MYMK: variants seen among roughly 807,000 people sequenced by gnomAD.
The protein encoded by MYMK is myomaker, myoblast fusion factor, also known as protein myomaker.
In MYMK, 16 loss-of-function variants were observed where a neutral mutation model predicts 22.4. The observed-to-expected ratio is 0.72, with a 90% CI of 0.48 to 1.09. The LOEUF (loss-of-function observed/expected upper bound fraction) is 1.09, where lower values mean the gene tolerates loss of function less well. MYMK is among the 50% of genes least tolerant of loss of function. The pLI, the probability that MYMK is intolerant of heterozygous loss-of-function variation, is 0.00. For synonymous variants in MYMK, 125 were observed against 127.0 expected (o/e 0.98, Z 0.11); for missense variants, 250 against 295.6 (o/e 0.85, Z 1.13).
In MYMK at chr9:133,515,545, T is replaced by C. The variant is rs1844621659; in HGVS notation, c.462A>G (p.Ile154Met). 1 of 1,613,964 alleles carries C rather than the reference T, an allele frequency of 6.2e-7. No individual in the cohort carries two copies. Among genetic ancestry groups the C allele is most frequent in the Non-Finnish European group, 8.5e-7 (1 of 1,179,942 alleles). The change falls in exon 4 of 5, where the codon ATA becomes ATG. Residue 154 changes from isoleucine (I) to methionine (M), a missense_variant. Physicochemically the swap from Ile to Met is conservative, Grantham distance 10. Transcript: ENST00000339996. The surrounding 1 kb of genome is among the most constrained non-coding windows in gnomAD (Gnocchi z 5.8). ...YPDKSVYTQQ[I>M]GPGLCFGALA... ...GCGCCCCGAAGCAGAGGCCGGGGCCTATCTGCTGGGTGTAGACGCTCTTGT... is the reference window on the plus strand; with the variant it reads ...GCGCCCCGAAGCAGAGGCCGGGGCCCATCTGCTGGGTGTAGACGCTCTTGT...
In MYMK at chr9:133,524,885, G is replaced by C; in HGVS notation, c.-41C>G. On this transcript the variant is annotated 5_prime_UTR_variant, in exon 1 of 5. Coordinates refer to ENST00000339996, the MANE Select transcript of MYMK (RefSeq NM_001080483.3). ...CACTGGCTGGGGTGGGGAGGGTGCT[G>C]GTGTCCCAGGTCCCCAGCACAGGAG... 1 of 1,568,340 alleles carries C rather than the reference G, an allele frequency of 6.4e-7. No individual in the cohort carries two copies. Among genetic ancestry groups the C allele is most frequent in the Non-Finnish European group, 8.6e-7 (1 of 1,157,788 alleles).
At chr9:133,522,634 G>A (rs763957620) in intron 1 of MYMK, among the ~76,000 whole-genome samples, 1 of 152,210 alleles carries the variant, frequency 6.6e-6, no homozygotes, top group Non-Finnish European at 1.5e-5. Context: ...AGGCAGGGAG[G>A]TGTGGCCTGG....
chr9:133,523,710 A>AGG (rs1844731349), intron 1 of MYMK, among the ~76,000 whole-genome samples: 1 of 95,156 alleles, frequency 1.1e-5, no homozygotes, highest in Non-Finnish European at 2.5e-5. Flanking sequence ...AGAGAGAGAG[A>AGG]GAGAGAGAGA....
chr9:133,516,070 T>C (rs1844627114), intron 3 of MYMK, among the ~76,000 whole-genome samples: 1 of 152,214 alleles, frequency 6.6e-6, no homozygotes, highest in Admixed American at 6.5e-5. Context: ...TTTGCTTTCC[T>C]AGTTAAAGGA....
At chr9:133,517,188 C>T (rs1276007730) in intron 3 of MYMK, among the ~76,000 whole-genome samples, 3 of 152,166 alleles carry the variant, frequency 2.0e-5, no homozygotes, top group Admixed American at 6.5e-5. Flanking sequence ...AGGCGAGAGG[C>T]GGGTGGCCAG....
At chr9:133,518,841 G>A (rs758898460) in intron 3 of MYMK, 33 bp downstream of exon 3, 7 of 1,591,212 alleles carry the variant, frequency 4.4e-6, no homozygotes, top group Non-Finnish European at 5.1e-6. Context: ...GGCCTCCTGG[G>A]TCCCCGTTCA....
In MYMK at chr9:133,515,277, C is replaced by T. The variant is rs1341129117; in HGVS notation, c.516+214G>A. Among the ~76,000 whole-genome samples the T allele has an allele frequency of 6.6e-6, 1 of 152,090 alleles. No individual in the cohort carries two copies. Among genetic ancestry groups the T allele is most frequent in the African/African-American group, 2.4e-5 (1 of 41,432 alleles). On this transcript the variant is annotated intron_variant, in intron 4 of 4. Coordinates refer to ENST00000339996, the MANE Select transcript of MYMK (RefSeq NM_001080483.3). The surrounding 1 kb of genome is among the most constrained non-coding windows in gnomAD (Gnocchi z 5.8). The stretch of plus-strand genomic sequence containing the variant: ...CAGCCAGCTTTGGTCTCTGTGACCT[C>T]CAGGTCCACACAGGCCATGGTGCTG...
At chr9:133,524,501 C>T (rs1457810119) in intron 1 of MYMK, among the ~76,000 whole-genome samples, 1 of 152,206 alleles carries the variant, frequency 6.6e-6, no homozygotes, top group East Asian at 1.9e-4. Flanking sequence ...GAGCAACTTC[C>T]TGGCACAGAT....
In MYMK at chr9:133,514,600, G is replaced by A; in HGVS notation, c.*36C>T. 1.9e-6 allele frequency: 3 copies of A among 1,595,738 alleles called. No individual in the cohort carries two copies. Among genetic ancestry groups the A allele is most frequent in the Non-Finnish European group, 2.6e-6 (3 of 1,170,266 alleles). On this transcript the variant is annotated 3_prime_UTR_variant, in exon 5 of 5. Coordinates refer to ENST00000339996, the MANE Select transcript of MYMK (RefSeq NM_001080483.3). ...GGGACTCTGGCCAAGTGTGAGCTGGGGAGGGCAGGGGCTCAGAGCCGGGCT... is the reference window on the plus strand; with the variant it reads ...GGGACTCTGGCCAAGTGTGAGCTGGAGAGGGCAGGGGCTCAGAGCCGGGCT...
intron 3 of MYMK, among the ~76,000 whole-genome samples, chr9:133,518,051 T>G (rs1041473933): frequency 1.3e-5 from 2 of 152,254 alleles, no homozygotes; most frequent in African/African-American, 4.8e-5. Flanking sequence ...GTGCCTGGGC[T>G]GCTGCAGGCC....
intron 3 of MYMK, among the ~76,000 whole-genome samples, chr9:133,518,486 C>G (rs1301468013): frequency 6.6e-6 from 1 of 152,248 alleles, no homozygotes; most frequent in Non-Finnish European, 1.5e-5. Flanking sequence ...AGAGTGATAA[C>G]AAATAGCTCT....
At chr9:133,523,524 TG>T (rs1395337976) in intron 1 of MYMK, among the ~76,000 whole-genome samples, 5 of 151,874 alleles carry the variant, frequency 3.3e-5, no homozygotes. Context: ...GCACCACTTG[TG>T]GGAGTCCAGG....
chr9:133,519,134 G>A lies in MYMK; in HGVS notation c.251-112C>T, dbSNP rs1654840324. 2.9e-6 allele frequency: 4 copies of A among 1,364,542 alleles called. No individual in the cohort carries two copies. In the East Asian group the frequency reaches 9.4e-5, roughly 32 times the overall value. 84.5% of individuals were successfully genotyped at this position (1,364,542 alleles called of 1,614,324 possible). On this transcript the variant is annotated intron_variant, in intron 2 of 4. Transcript: ENST00000339996. ...CATCCTGTAGATGCCCTCTCTCGGT[G>A]TCCCCTCAGCCAGCGAGACCCTGAG...
intron 3 of MYMK, among the ~76,000 whole-genome samples, chr9:133,517,333 G>A (rs1412338524): frequency 6.6e-6 from 1 of 152,156 alleles, no homozygotes; most frequent in African/African-American, 2.4e-5. Context: ...TGCTTCCTCA[G>A]GTTGCAGACA....
chr9:133,524,383 TG>T (rs993128290), intron 1 of MYMK, among the ~76,000 whole-genome samples: 1 of 151,888 alleles, frequency 6.6e-6, no homozygotes, highest in Admixed American at 6.6e-5. Flanking sequence ...TGGGCAGCCG[TG>T]GGGGCTTTGA....
At position 133,515,654 on chromosome 9, in the gene MYMK, G is replaced by C. The variant is rs111884841; in HGVS notation, c.400-47C>G. 706 of 1,337,530 alleles carry C rather than the reference G, an allele frequency of 5.3e-4. 3 individuals carry two copies. In the African/African-American group the frequency reaches 8.1e-3, roughly 15 times the overall value. 82.9% of individuals were successfully genotyped at this position (1,337,530 alleles called of 1,614,324 possible). On this transcript the variant is annotated intron_variant, in intron 3 of 4. Transcript: ENST00000339996. This position sits in a 1 kb window ranked among gnomAD's most constrained non-coding sequence, Gnocchi z 5.8. Reference sequence around the variant, plus strand: ...GCAAAGCTTTTAGGTCACAGCACTGGGGAACGCCCCTCCCCAAACCAGCCC... The same window carrying C: ...GCAAAGCTTTTAGGTCACAGCACTGCGGAACGCCCCTCCCCAAACCAGCCC...
chr9:133,517,532 G>A (rs978364921), intron 3 of MYMK, among the ~76,000 whole-genome samples: 1 of 152,140 alleles, frequency 6.6e-6, no homozygotes, highest in African/African-American at 2.4e-5. Context: ...TGGGCGTGAT[G>A]GCATGCGCCT....
intron 3 of MYMK, among the ~76,000 whole-genome samples, chr9:133,518,350 A>G (rs891273058): frequency 1.3e-5 from 2 of 151,310 alleles, no homozygotes; most frequent in African/African-American, 4.9e-5. Context: ...GTCATACCAC[A>G]CTCTCCCTCC....
At chr9:133,519,413 C>A (rs990175764) in intron 2 of MYMK, among the ~76,000 whole-genome samples, 2 of 152,070 alleles carry the variant, frequency 1.3e-5, no homozygotes, top group Admixed American at 6.6e-5. Context: ...ACAAAAAATT[C>A]GGTGGGTGTC....
Sources: gnomAD v4.1 joint callset for allele counts (sites outside exome capture counted in the v4.1 genomes callset) on GRCh38, gnomAD v4.1.1 for gene constraint, Gnocchi (gnomAD v3.1) non-coding constraint, MANE v1.5 for transcripts, NCBI Gene and HGNC (gene_info 2026-07-23, HGNC 2026-07-21) for gene names.